The following NUBPL variants were observed in gnomAD, a reference collection of about 807,000 sequenced individuals.
NUBPL encodes the protein iron-sulfur cluster transfer protein NUBPL.
In NUBPL, 31 loss-of-function variants were observed where a neutral mutation model predicts 45.7. The ratio of observed to expected loss-of-function variants is 0.68; its 90% CI spans 0.51 to 0.92. The LOEUF (loss-of-function observed/expected upper bound fraction) is 0.92. Ranked by LOEUF, NUBPL falls within the 40% of genes least tolerant of loss-of-function variation. NUBPL has a pLI of 0.00. For synonymous variants in NUBPL, 144 were observed against 140.9 expected, an observed-to-expected ratio of 1.02 and a Z score of -0.15; for missense variants, 401 against 398.7, an observed-to-expected ratio of 1.01 and a Z score of -0.05.
chr14:31,688,062 A>G (rs2036995710), intron 6 of NUBPL, among the ~76,000 whole-genome samples: 1 of 152,238 alleles, frequency 6.6e-6, no homozygotes, highest in Non-Finnish European at 1.5e-5. Flanking sequence ...GCTATAGTAA[A>G]GCATGCCTGT....
chr14:31,702,619 C>T (rs2037364282), intron 6 of NUBPL, among the ~76,000 whole-genome samples: 1 of 152,158 alleles, frequency 6.6e-6, no homozygotes. Flanking sequence ...TGACATACTG[C>T]AACTGAAACT....
In NUBPL at chr14:31,860,714, A is replaced by G. The variant is rs2040699816; in HGVS notation, c.*1534A>G. The stretch of plus-strand genomic sequence containing the variant: ...GTACATTGATGTTTATTGCAATTTT[A>G]TGTGTAATAACCAAAAACAACCCAG... On this transcript the variant is annotated 3_prime_UTR_variant, in exon 11 of 11. Coordinates refer to ENST00000281081, the MANE Select transcript of NUBPL (RefSeq NM_025152.3). The G allele has an allele frequency of 6.6e-6, 1 of 152,226 alleles. No individual in the cohort carries two copies. The highest frequency in any genetic ancestry group is 2.1e-4 in the South Asian group (1 of 4,826). The allele number at this position is 152,226 out of a possible 1,614,324, so 9.4% of individuals were successfully genotyped here. A position where few individuals can be genotyped will look rare whatever the true frequency, so the allele number is the denominator to read the frequency against.
At chr14:31,791,618 G>A (rs1208801307) in intron 7 of NUBPL, among the ~76,000 whole-genome samples, 1 of 152,178 alleles carries the variant, frequency 6.6e-6, no homozygotes, top group African/African-American at 2.4e-5. Context: ...GTGAGGAGCA[G>A]GAGAGAGTGG....
chr14:31,635,011 T>C (rs1315836774), intron 4 of NUBPL, among the ~76,000 whole-genome samples: 2 of 150,516 alleles, frequency 1.3e-5, no homozygotes, highest in Non-Finnish European at 2.9e-5. Flanking sequence ...ATGAGTAGGT[T>C]GCGAAAATTT....
intron 4 of NUBPL, among the ~76,000 whole-genome samples, chr14:31,638,770 T>C (rs1234007055): frequency 1.3e-5 from 2 of 152,220 alleles, no homozygotes; most frequent in Non-Finnish European, 2.9e-5. Flanking sequence ...CCATATCTCT[T>C]GAAGGCTTTG....
intron 3 of NUBPL, among the ~76,000 whole-genome samples, chr14:31,566,755 T>C (rs2033446743): frequency 1.3e-5 from 2 of 152,114 alleles, no homozygotes; most frequent in African/African-American, 4.8e-5. Flanking sequence ...TTGAAGATCC[T>C]TATAAATGAA....
chr14:31,573,760 T>A (rs1457573667), intron 3 of NUBPL, among the ~76,000 whole-genome samples: 1 of 152,252 alleles, frequency 6.6e-6, no homozygotes, highest in Non-Finnish European at 1.5e-5. Context: ...TAGGTTATTC[T>A]TGTTCTCTAT....
At chr14:31,828,910 A>G (rs1392690321) in intron 8 of NUBPL, among the ~76,000 whole-genome samples, 1 of 152,202 alleles carries the variant, frequency 6.6e-6, no homozygotes, top group Non-Finnish European at 1.5e-5. Flanking sequence ...AGGTTAGGCT[A>G]TTGTTAGGTG....
intron 6 of NUBPL, among the ~76,000 whole-genome samples, chr14:31,752,705 A>G (rs1414204799): frequency 6.6e-6 from 1 of 152,172 alleles, no homozygotes; most frequent in Non-Finnish European, 1.5e-5. Context: ...TTGCTCCCAC[A>G]TTGTCAGGTT....
intron 6 of NUBPL, among the ~76,000 whole-genome samples, chr14:31,713,871 G>C (rs1660796739): frequency 6.6e-6 from 1 of 152,100 alleles, no homozygotes; most frequent in Non-Finnish European, 1.5e-5. Flanking sequence ...TCAATTACCA[G>C]CCAGCCTCCT....
intron 4 of NUBPL, among the ~76,000 whole-genome samples, chr14:31,601,250 T>C (rs2034425855): frequency 6.6e-6 from 1 of 152,200 alleles, no homozygotes; most frequent in Non-Finnish European, 1.5e-5. Context: ...CTTTTTTGGT[T>C]CCATATGAAC....
At chr14:31,762,547 G>T (rs1334538327) in intron 6 of NUBPL, among the ~76,000 whole-genome samples, 1 of 152,124 alleles carries the variant, frequency 6.6e-6, no homozygotes, top group Admixed American at 6.5e-5. Flanking sequence ...TCATATTTAT[G>T]TGAATGACTA....
rs187142262 is a variant in NUBPL, at chr14:31,832,536, T to G, written c.693+5822T>G. Among the ~76,000 whole-genome samples the G allele has an allele frequency of 4.7e-4, 72 of 152,294 alleles. 1 individual carries two copies. The East Asian group carries it at 0.014, about 29-fold the overall frequency. On this transcript the variant is annotated intron_variant, in intron 8 of 10. Transcript: ENST00000281081. Reference sequence around the variant, plus strand: ...CTTCTTCTCTTTGAGAGTTGTGATTTAATAGTGTTTGTCAAGGAAGAAACT... The same window carrying G: ...CTTCTTCTCTTTGAGAGTTGTGATTGAATAGTGTTTGTCAAGGAAGAAACT...
chr14:31,760,402 C>G (rs942276071), intron 6 of NUBPL, among the ~76,000 whole-genome samples: 5 of 152,038 alleles, frequency 3.3e-5, no homozygotes, highest in Non-Finnish European at 7.4e-5. Flanking sequence ...GTCCGTCCAC[C>G]TCAGCCTCCC....
chr14:31,721,745 G>GT lies in NUBPL; in HGVS notation c.513+48178dup, dbSNP rs371999682. Among the ~76,000 whole-genome samples, 355 of 151,960 alleles carry GT rather than the reference G, an allele frequency of 2.3e-3. 1 individual carries two copies. The highest frequency in any genetic ancestry group is 8.2e-3 in the African/African-American group (339 of 41,424). ...CAGGTACTAAGCCCAGTACCCAACA[G>GT]TTTTTTTCTCTCCCTCCCCCCATTC... On this transcript the variant is annotated intron_variant, in intron 6 of 10. Coordinates refer to ENST00000281081, the MANE Select transcript of NUBPL (RefSeq NM_025152.3).
chr14:31,738,625 A>C (rs896711434), intron 6 of NUBPL, among the ~76,000 whole-genome samples: 1 of 152,186 alleles, frequency 6.6e-6, no homozygotes, highest in Non-Finnish European at 1.5e-5. Context: ...ATTAACTTTA[A>C]ATTCCAACAT....
intron 6 of NUBPL, among the ~76,000 whole-genome samples, chr14:31,689,786 A>T (rs555933142): frequency 6.6e-6 from 1 of 152,102 alleles, no homozygotes; most frequent in Non-Finnish European, 1.5e-5. Context: ...GGGTTTTGAT[A>T]GTTCTGGGTT....
At chr14:31,756,517 A>G (rs1404381242) in intron 6 of NUBPL, among the ~76,000 whole-genome samples, 7 of 152,122 alleles carry the variant, frequency 4.6e-5, no homozygotes, top group African/African-American at 9.6e-5. Flanking sequence ...TTATTGCTGT[A>G]TAAGAATGCT....
At chr14:31,737,676 C>A (rs191374765) in intron 6 of NUBPL, among the ~76,000 whole-genome samples, 47 of 152,178 alleles carry the variant, frequency 3.1e-4, no homozygotes, top group African/African-American at 1.1e-3. Flanking sequence ...TCCGTCTACT[C>A]CGGAGGCTGA....
Sources: allele counts gnomAD v4.1 joint callset (sites outside exome capture counted in the v4.1 genomes callset), GRCh38; gene constraint gnomAD v4.1.1; transcripts MANE v1.5; gene names NCBI Gene and HGNC (gene_info 2026-07-23, HGNC 2026-07-21).